Variants in CADM2 observed in about 807,000 individuals in gnomAD.
CADM2 encodes the protein cell adhesion molecule 2.
CADM2 carries 12 observed loss-of-function variants against 49.8 expected under a neutral mutation model. The observed-to-expected ratio is 0.24, with a 90% CI of 0.15 to 0.39. CADM2 has a LOEUF of 0.39. Ranked by LOEUF, CADM2 falls within the 10% of genes least tolerant of loss-of-function variation. The pLI, the probability that CADM2 is intolerant of heterozygous loss-of-function variation, is 1.00. For synonymous variants in CADM2, 214 were observed against 175.4 expected, an observed-to-expected ratio of 1.22 and a Z score of -1.74; for missense variants, 378 against 492.3, an observed-to-expected ratio of 0.77 and a Z score of 2.20.
chr3:85,872,244 T>C (rs546915872), intron 3 of CADM2, among the ~76,000 whole-genome samples: 5 of 152,300 alleles, frequency 3.3e-5, no homozygotes, highest in African/African-American at 1.2e-4. Flanking sequence ...ATTTCCCTCT[T>C]GAGAATTAGT....
At chr3:85,162,331 G>T (rs1464826502) in intron 1 of CADM2, among the ~76,000 whole-genome samples, 2 of 152,020 alleles carry the variant, frequency 1.3e-5, no homozygotes, top group African/African-American at 4.8e-5. Context: ...TAATTACCGG[G>T]ATTTATGTAG....
chr3:85,821,946 C>T (rs964340973), intron 3 of CADM2, among the ~76,000 whole-genome samples: 8 of 151,984 alleles, frequency 5.3e-5, no homozygotes, highest in Admixed American at 1.3e-4. Context: ...AATTATTATG[C>T]TTATAATTTT....
intron 1 of CADM2, among the ~76,000 whole-genome samples, chr3:85,489,806 T>TGTGTGTGTGTGAGA (rs565317625): frequency 6.9e-6 from 1 of 143,920 alleles, no homozygotes; most frequent in Non-Finnish European, 1.5e-5. Flanking sequence ...TGTGTGTGTG[T>TGTGTGTGTGTGAGA]GAGAGAGAGA....
chr3:85,528,226 A>G (rs1039001515), intron 1 of CADM2, among the ~76,000 whole-genome samples: 5 of 152,092 alleles, frequency 3.3e-5, no homozygotes, highest in African/African-American at 1.2e-4. Context: ...AGTGCCACAC[A>G]TCAGTTTGCT....
chr3:86,013,101 T>C, intron 8 of CADM2: 2 of 1,341,748 alleles, frequency 1.5e-6, no homozygotes, highest in South Asian at 1.2e-5. Context: ...ACCAACAATA[T>C]TTGATCTTAC....
intron 1 of CADM2, among the ~76,000 whole-genome samples, chr3:85,533,275 T>G (rs1022616086): frequency 2.6e-5 from 4 of 152,218 alleles, no homozygotes; most frequent in Admixed American, 6.5e-5. Flanking sequence ...ATTATATATG[T>G]TCTGTTATAT....
chr3:84,959,073 G>A lies in CADM2; in HGVS notation c.-535G>A, dbSNP rs2030184697. ...TCCGGGAGCCGCCACTGCCGCCGCCGCTGCCGCTGCTACCGCCACTAGCGC... is the reference window on the plus strand; with the variant it reads ...TCCGGGAGCCGCCACTGCCGCCGCCACTGCCGCTGCTACCGCCACTAGCGC... On this transcript the variant is annotated 5_prime_UTR_variant, in exon 1 of 10. Transcript: ENST00000383699. The A allele has an allele frequency of 1.0e-5, 2 of 199,512 alleles. No homozygotes were observed. Among genetic ancestry groups the A allele is most frequent in the South Asian group, 6.7e-5 (1 of 14,932 alleles). The allele number at this position is 199,512 out of a possible 1,614,324, so 12.4% of individuals were successfully genotyped here. A position where few individuals can be genotyped will look rare whatever the true frequency, so the allele number is the denominator to read the frequency against.
rs185456503 is a variant in CADM2 at position 85,754,688 on chromosome 3, T to C, written c.88+28140T>C. On this transcript the variant is annotated intron_variant, in intron 2 of 9. Coordinates refer to ENST00000383699, the MANE Select transcript of CADM2 (RefSeq NM_001167675.2). ...ATTCTCCAAACAAGTTTTGTGAGAA[T>C]GTAAAAACAAAAAGAAAACAATAAT... Among the ~76,000 whole-genome samples the C allele has an allele frequency of 6.6e-5, 10 of 151,992 alleles. No homozygotes were observed. In the East Asian group the frequency reaches 1.8e-3, roughly 27 times the overall value.
intron 1 of CADM2, among the ~76,000 whole-genome samples, chr3:85,494,844 G>A (rs2039821487): frequency 6.6e-6 from 1 of 152,130 alleles, no homozygotes; most frequent in Non-Finnish European, 1.5e-5. Context: ...AAAATGCATT[G>A]CTGTAACTCC....
chr3:85,769,607 C>CT (rs1158823078), intron 2 of CADM2, among the ~76,000 whole-genome samples: 1 of 96,730 alleles, frequency 1.0e-5, no homozygotes, highest in African/African-American at 3.4e-5. Context: ...CACATATATA[C>CT]ATATATACAT....
chr3:85,448,344 A>G (rs1236279625), intron 1 of CADM2, among the ~76,000 whole-genome samples: 4 of 151,856 alleles, frequency 2.6e-5, no homozygotes, highest in Non-Finnish European at 5.9e-5. Flanking sequence ...AAAAAAAAAA[A>G]AAAAAAAAAA....
intron 3 of CADM2, among the ~76,000 whole-genome samples, chr3:85,855,617 A>ATATATATATAT (rs374763892): frequency 1.6e-3 from 66 of 42,472 alleles, no homozygotes; most frequent in African/African-American, 2.0e-3. Flanking sequence ...ATATATATAT[A>ATATATATATAT]AAACATATAT....
intron 2 of CADM2, among the ~76,000 whole-genome samples, chr3:85,769,505 A>G (rs1408961309): frequency 1.5e-5 from 1 of 67,512 alleles, no homozygotes; most frequent in Non-Finnish European, 2.8e-5. Context: ...ACATATATGT[A>G]TATATACACG....
chr3:85,160,601 CAATA>C (rs1329367578), intron 1 of CADM2, among the ~76,000 whole-genome samples: 1 of 152,100 alleles, frequency 6.6e-6, no homozygotes, highest in African/African-American at 2.4e-5. Flanking sequence ...TGGTCCTTCT[CAATA>C]AATAATTAGG....
At chr3:85,228,821 A>G (rs1004397962) in intron 1 of CADM2, among the ~76,000 whole-genome samples, 1 of 152,128 alleles carries the variant, frequency 6.6e-6, no homozygotes, top group Non-Finnish European at 1.5e-5. Flanking sequence ...TTGAGGAGGC[A>G]GTCTGTCCAT....
chr3:85,195,678 G>T (rs1406534522), intron 1 of CADM2, among the ~76,000 whole-genome samples: 1 of 151,950 alleles, frequency 6.6e-6, no homozygotes, highest in South Asian at 2.1e-4. Context: ...ACATACATGT[G>T]TTAAAAAGCT....
At chr3:85,560,263 C>CTA (rs2062060910) in intron 1 of CADM2, among the ~76,000 whole-genome samples, 2 of 151,792 alleles carry the variant, frequency 1.3e-5, no homozygotes, top group Non-Finnish European at 2.9e-5. Context: ...GCAGGTGCAC[C>CTA]AGCTTGATGA....
intron 3 of CADM2, among the ~76,000 whole-genome samples, chr3:85,830,892 A>G (rs931036347): frequency 2.6e-5 from 4 of 151,090 alleles, no homozygotes; most frequent in African/African-American, 7.3e-5. Context: ...TGTTACATGG[A>G]TGAATTGCAT....
intron 1 of CADM2, among the ~76,000 whole-genome samples, chr3:85,273,891 G>C (rs995182724): frequency 1.3e-5 from 2 of 151,420 alleles, no homozygotes; most frequent in African/African-American, 4.8e-5. Flanking sequence ...CGTCCAGTCT[G>C]TGCTCTTGGA....
Sources: allele counts gnomAD v4.1 joint callset (sites outside exome capture counted in the v4.1 genomes callset), GRCh38; gene constraint gnomAD v4.1.1; transcripts MANE v1.5; gene names NCBI Gene and HGNC (gene_info 2026-07-23, HGNC 2026-07-21).